The following USP2 variants were observed in gnomAD, a reference collection of about 807,000 sequenced individuals.
The protein encoded by USP2 is ubiquitin carboxyl-terminal hydrolase 2.
Under a neutral mutation model 72.0 loss-of-function variants are expected in USP2, and 33 were observed. That is an observed-to-expected ratio of 0.46 (90% CI 0.35 to 0.61). The LOEUF (loss-of-function observed/expected upper bound fraction) is 0.61, where lower values mean the gene tolerates loss of function less well. Ranked by LOEUF, USP2 falls within the 20% of genes least tolerant of loss-of-function variation. The probability of loss-of-function intolerance (pLI) is 0.01; values close to 1 mark genes in which losing one functional copy is unlikely to be tolerated. For missense variants in USP2, 691 were observed against 797.8 expected (o/e 0.87, Z 1.61); for synonymous variants, 296 against 312.5 (o/e 0.95, Z 0.56).
chr11:119,375,259 G>A (rs750219925), intron 1 of USP2, among the ~76,000 whole-genome samples: 6 of 152,222 alleles, frequency 3.9e-5, no homozygotes, highest in Non-Finnish European at 7.3e-5. Flanking sequence ...TAGAATCCCA[G>A]TCCACACAAG....
Position 119,359,500 on chromosome 11 carries a change from G to A in USP2, c.949+37C>T, listed in dbSNP as rs188713986. 1.9e-4 allele frequency: 302 copies of A among 1,612,004 alleles called. 1 individual carries two copies. Among genetic ancestry groups the A allele is most frequent in the African/African-American group, 1.7e-3 (124 of 74,972 alleles). ...GCCCCAGTGGAGTGGAGGAGCATCC[G>A]GGGGTAGGCAGGGGCACATGACAGA... is the stretch of plus-strand genomic sequence containing the variant. On this transcript the variant is annotated intron_variant, in intron 4 of 12. Transcript: ENST00000260187.
intron 1 of USP2, among the ~76,000 whole-genome samples, chr11:119,378,006 C>T (rs1474315214): frequency 6.6e-6 from 1 of 152,094 alleles, no homozygotes; most frequent in African/African-American, 2.4e-5. Context: ...CACGCCTAAA[C>T]AGGGTTAAGT....
At chr11:119,360,261 A>G (rs1484145523) in intron 2 of USP2, 27 bp from the exon 3 acceptor site, 1 of 1,613,070 alleles carries the variant, frequency 6.2e-7, no homozygotes, top group Admixed American at 1.7e-5. Flanking sequence ...TATGGCAATA[A>G]GGTGGAAGCA....
intron 2 of USP2, among the ~76,000 whole-genome samples, chr11:119,363,603 T>A (rs546599913): frequency 8.6e-5 from 13 of 151,796 alleles, no homozygotes; most frequent in African/African-American, 2.9e-4. Flanking sequence ...CACCACCTGG[T>A]GCCGGGGCCA....
rs762800168 is a variant in USP2 at position 119,357,881 on chromosome 11, GC to G, written c.1423-47del. 2.4e-4 allele frequency: 382 copies of G among 1,612,952 alleles called. 1 individual carries two copies. Among genetic ancestry groups the G allele is most frequent in the Middle Eastern group, 9.9e-4 (6 of 6,056 alleles). ...AAAGAACTTGTGGGGAAGTCAGTGGGCCCCAATCCAGTCACTCCTCAACTGG... is the reference window on the plus strand; with the variant it reads ...AAAGAACTTGTGGGGAAGTCAGTGGGCCCAATCCAGTCACTCCTCAACTGG... On this transcript the variant is annotated intron_variant, in intron 9 of 12. Transcript: ENST00000260187.
chr11:119,358,868 C>A, intron 6 of USP2, 31 bp from the exon 7 acceptor site: 1 of 1,613,108 alleles, frequency 6.2e-7, no homozygotes, highest in South Asian at 1.1e-5. Flanking sequence ...ACAATTGGGT[C>A]AAAGCTCAAA....
chr11:119,373,130 C>G lies in USP2; in HGVS notation c.351G>C (p.Val117=), dbSNP rs1441786558. ...GCAGGTAGCTGAGGCAGTTGTTGGT[C>G]ACTCCATAAGGGAATCCGCTGCCCC... The part of the protein sequence containing the change: ...LSGGSGFPYG[V]TNNCLSYLPI... The change falls in exon 2 of 13, where the codon GTG becomes GTC. Residue 117 remains valine (V), a synonymous_variant. Coordinates refer to ENST00000260187, the MANE Select transcript of USP2 (RefSeq NM_004205.5). 1 of 1,614,002 alleles carries G rather than the reference C, an allele frequency of 6.2e-7. No homozygotes were observed. Among genetic ancestry groups the G allele is most frequent in the African/African-American group, 1.3e-5 (1 of 74,912 alleles).
intron 2 of USP2, 191 bp from the exon 3 acceptor site, chr11:119,360,425 TTC>T: frequency 1.4e-6 from 1 of 696,742 alleles, no homozygotes; most frequent in Non-Finnish European, 2.5e-6. Flanking sequence ...TTCTTTTCTT[TTC>T]TTTTTTTTTT....
At chr11:119,371,780 G>GTC (rs1950930392) in intron 2 of USP2, among the ~76,000 whole-genome samples, 1 of 152,182 alleles carries the variant, frequency 6.6e-6, no homozygotes, top group East Asian at 1.9e-4. Flanking sequence ...CTGTCCATCT[G>GTC]TCCACCCGCC....
chr11:119,379,040 C>T (rs1261028875), intron 1 of USP2: 2 of 985,418 alleles, frequency 2.0e-6, no homozygotes, highest in East Asian at 1.1e-4. Flanking sequence ...GAGCTGGGGG[C>T]TTCTCCTTCC....
chr11:119,359,233 A>G lies in USP2; in HGVS notation c.1059T>C (p.Tyr353=). The change falls in exon 5 of 13, where the codon TAT becomes TAC. Residue 353 remains tyrosine, a splice_region_variant and synonymous_variant. Transcript: ENST00000260187. Reference sequence around the variant, plus strand: ...GGACATGTCTGCAAGGCCCTTACTTATAGCCAACAAAGCGCGGTGCGTATC... The same window carrying G: ...GGACATGTCTGCAAGGCCCTTACTTGTAGCCAACAAAGCGCGGTGCGTATC... The part of the protein sequence containing the change: ...IQRYAPRFVG[Y]NQQDAQEFLR... The G allele has an allele frequency of 6.2e-7, 1 of 1,613,858 alleles. No individual in the cohort carries two copies.
chr11:119,360,431 T>TC (rs1348789917), intron 2 of USP2, 197 bp from the exon 3 acceptor site: 49 of 679,002 alleles, frequency 7.2e-5, no homozygotes, highest in East Asian at 6.5e-4. Flanking sequence ...TCTTTTCTTT[T>TC]TTTTTTTTTT....
intron 2 of USP2, among the ~76,000 whole-genome samples, chr11:119,368,819 G>C (rs1950888801): frequency 6.6e-6 from 1 of 152,240 alleles, no homozygotes; most frequent in African/African-American, 2.4e-5. Flanking sequence ...CTTGGGGAGA[G>C]GAGAGGGTGG....
rs1950960114 is a variant in USP2, at chr11:119,373,320, A to G, written c.161T>C (p.Val54Ala). 1 of 1,613,300 alleles carries G rather than the reference A, an allele frequency of 6.2e-7. No homozygotes were observed. Among genetic ancestry groups the G allele is most frequent in the Non-Finnish European group, 8.5e-7 (1 of 1,179,866 alleles). Residue 54 changes from valine (V) to alanine (A), a missense_variant, in exon 2 of 13, where the codon GTC becomes GCC. Val to Ala is a moderately conservative substitution (Grantham distance 64). Transcript: ENST00000260187. ...ACGGGTGAGGAAGCTGCTGGTGGGG[A>G]CCGGCTTGAAACCAAGTTTCTCCTT... Reference protein sequence around the residue: ...LEKEKLGFKPVPTSSFLTRPR... With the variant: ...LEKEKLGFKPAPTSSFLTRPR...
intron 2 of USP2, among the ~76,000 whole-genome samples, chr11:119,372,282 C>T (rs1183364614): frequency 1.3e-5 from 2 of 152,196 alleles, no homozygotes; most frequent in African/African-American, 2.4e-5. Flanking sequence ...ATAAAGCCTG[C>T]ACAAGAGGGG....
At position 119,357,741 on chromosome 11, in the gene USP2, T is replaced by G. The variant is rs1318882449; in HGVS notation, c.1501+16A>C. On this transcript the variant is annotated intron_variant, in intron 10 of 12. Transcript: ENST00000260187. The stretch of plus-strand genomic sequence containing the variant: ...CTTGAAAGTCATGTCCCAGCCCTGA[T>G]GGATCTTAAGGATACGGAGCACCAA... 1 of 1,613,594 alleles carries G rather than the reference T, an allele frequency of 6.2e-7. No individual in the cohort carries two copies. Among genetic ancestry groups the G allele is most frequent in the African/African-American group, 1.3e-5 (1 of 74,936 alleles).
Position 119,357,582 on chromosome 11 carries a change from G to T in USP2, c.1510C>A (p.Arg504=). The T allele has an allele frequency of 2.5e-6, 4 of 1,614,140 alleles. No homozygotes were observed. The highest frequency in any genetic ancestry group is 3.4e-6 in the Non-Finnish European group (4 of 1,180,032). Residue 504 remains arginine, a synonymous_variant, in exon 11 of 13, where the codon CGG becomes AGG. Coordinates refer to ENST00000260187, the MANE Select transcript of USP2 (RefSeq NM_004205.5). ...GTTCGGATCCTGGATTCTGAGAACC[G>T]CTTCAGATCTGGCATTGACGTGAGT... ...FPKILVLHLK[R]FSESRIRTSK... is the part of the protein sequence containing the mutation.
intron 2 of USP2, among the ~76,000 whole-genome samples, chr11:119,364,519 A>C (rs1031425312): frequency 6.6e-6 from 1 of 152,214 alleles, no homozygotes; most frequent in African/African-American, 2.4e-5. Context: ...CCCAAGACCC[A>C]GTGGCAACCG....
chr11:119,370,984 ACTG>A (rs1950918525), intron 2 of USP2, among the ~76,000 whole-genome samples: 2 of 152,114 alleles, frequency 1.3e-5, no homozygotes, highest in South Asian at 4.1e-4. Flanking sequence ...AAAGGGGAAT[ACTG>A]CTGTCATGAT....
Sources: gnomAD v4.1 joint callset for allele counts (sites outside exome capture counted in the v4.1 genomes callset) on GRCh38, gnomAD v4.1.1 for gene constraint, MANE v1.5 for transcripts, NCBI Gene and HGNC (gene_info 2026-07-23, HGNC 2026-07-21) for gene names.